The following PEX5L variants were observed in gnomAD, a reference collection of about 807,000 sequenced individuals.
PEX5L encodes the protein peroxisomal biogenesis factor 5 like, also known as PEX5-related protein.
PEX5L carries 30 observed loss-of-function variants against 84.0 expected under a neutral mutation model. The ratio of observed to expected loss-of-function variants is 0.36; its 90% CI spans 0.27 to 0.48. The LOEUF is 0.48. Among genes scored for constraint, PEX5L ranks in the 20% least tolerant of loss-of-function variants. The pLI, the probability that PEX5L is intolerant of heterozygous loss-of-function variation, is 0.99. For synonymous variants in PEX5L, 270 were observed against 283.1 expected, an observed-to-expected ratio of 0.95 and a Z score of 0.46; for missense variants, 533 against 754.6, an observed-to-expected ratio of 0.71 and a Z score of 3.44.
intron 8 of PEX5L, among the ~76,000 whole-genome samples, chr3:179,847,033 C>T (rs1739643577): frequency 1.3e-5 from 2 of 150,048 alleles, no homozygotes; most frequent in Admixed American, 1.3e-4. Context: ...CTCTCCCTGC[C>T]TCCCTCTCTC....
rs1237615720 is a variant in PEX5L at position 179,798,941 on chromosome 3, A to C, written c.*2887T>G. On this transcript the variant is annotated 3_prime_UTR_variant, in exon 15 of 15. Coordinates refer to ENST00000467460, the MANE Select transcript of PEX5L (RefSeq NM_016559.3). ...CTGTCACTTTTTTGTTTTTTTTGAG[A>C]CGGAGTCTCGCTCTGTCACCCAGAC... The C allele has an allele frequency of 1.3e-5, 2 of 152,074 alleles. No individual in the cohort carries two copies. The highest frequency in any genetic ancestry group is 6.6e-5 in the Admixed American group (1 of 15,262). 9.4% of individuals were successfully genotyped at this position (152,074 alleles called of 1,614,324 possible).
chr3:179,853,243 T>C (rs1370626742), intron 8 of PEX5L, among the ~76,000 whole-genome samples: 1 of 152,208 alleles, frequency 6.6e-6, no homozygotes, highest in Non-Finnish European at 1.5e-5. Context: ...GCACAGTGCC[T>C]GGCCCATGGA....
chr3:179,947,966 A>G (rs1778057291), intron 2 of PEX5L, among the ~76,000 whole-genome samples: 1 of 152,144 alleles, frequency 6.6e-6, no homozygotes, highest in Admixed American at 6.5e-5. Flanking sequence ...TCGGCCTCCC[A>G]AAGTGCTGGG....
At position 179,864,707 on chromosome 3, in the gene PEX5L, T is replaced by A. The variant is rs1051856916; in HGVS notation, c.727-5550A>T. ...AGTATTCCCACTATAAAAATAAGTA[T>A]GTGAGTGAATGCATATGTTAATTAG... On this transcript the variant is annotated intron_variant, in intron 7 of 14. Coordinates refer to ENST00000467460, the MANE Select transcript of PEX5L (RefSeq NM_016559.3). Among the ~76,000 whole-genome samples the A allele has an allele frequency of 5.3e-5, 8 of 152,176 alleles. 1 individual carries two copies. Among genetic ancestry groups the A allele is most frequent in the African/African-American group, 2.4e-5 (1 of 41,458 alleles).
chr3:179,917,693 G>A (rs1056553578), intron 2 of PEX5L, among the ~76,000 whole-genome samples: 9 of 152,050 alleles, frequency 5.9e-5, no homozygotes, highest in South Asian at 4.2e-4. Context: ...TTTTTGAGAC[G>A]GAGTTGCCCA....
intron 1 of PEX5L, among the ~76,000 whole-genome samples, chr3:180,017,276 T>C (rs1031454768): frequency 6.6e-6 from 1 of 152,210 alleles, no homozygotes; most frequent in Non-Finnish European, 1.5e-5. Context: ...CTCTCTGCTG[T>C]TTTGGGAAAG....
intron 7 of PEX5L, among the ~76,000 whole-genome samples, chr3:179,863,785 T>G (rs1577755407): frequency 2.0e-5 from 3 of 152,182 alleles, no homozygotes; most frequent in Non-Finnish European, 4.4e-5. Context: ...CTCAATAAAC[T>G]AAAAGTAGAG....
intron 2 of PEX5L, among the ~76,000 whole-genome samples, chr3:179,947,293 A>T (rs1777824076): frequency 7.0e-6 from 1 of 143,532 alleles, no homozygotes; most frequent in Non-Finnish European, 1.6e-5. Context: ...AGTTACCATT[A>T]ATTGAATAAA....
At chr3:179,875,734 G>A (rs1752173828) in intron 5 of PEX5L, among the ~76,000 whole-genome samples, 1 of 152,152 alleles carries the variant, frequency 6.6e-6, no homozygotes, top group South Asian at 2.1e-4. Context: ...AAATTGCATT[G>A]CTTTTACAGT....
rs921647252 is a variant in PEX5L, at chr3:179,880,083, T to G, written c.351A>C (p.Pro117=). The G allele has an allele frequency of 4.3e-6, 7 of 1,613,262 alleles. No homozygotes were observed. The African/African-American group carries it at 9.3e-5, about 22-fold the overall frequency. Residue 117 remains proline, a synonymous_variant, in exon 5 of 15, where the codon CCA becomes CCC. Coordinates refer to ENST00000467460, the MANE Select transcript of PEX5L (RefSeq NM_016559.3). ...TGGCTTTGGTTTGGGTTTGAGAGACTGGTTCACTCAGGTCGAGGAGATCTA... is the reference window on the plus strand; with the variant it reads ...TGGCTTTGGTTTGGGTTTGAGAGACGGGTTCACTCAGGTCGAGGAGATCTA... ...TGLDLLDLSE[P]VSQTQTKAKK...
At chr3:179,961,262 A>G (rs1260299124) in intron 2 of PEX5L, among the ~76,000 whole-genome samples, 1 of 151,926 alleles carries the variant, frequency 6.6e-6, no homozygotes, top group African/African-American at 2.4e-5. Flanking sequence ...AGGAAGTGGT[A>G]CCCATTTCAA....
At chr3:179,900,789 T>C in intron 2 of PEX5L, 1 of 1,296,250 alleles carries the variant, frequency 7.7e-7, no homozygotes, top group Non-Finnish European at 1.1e-6. Context: ...CTTTTTTCTT[T>C]ACAGCCTTTT....
In PEX5L at chr3:179,859,174, A is replaced by G. The variant is rs1745113328; in HGVS notation, c.727-17T>C. 2 of 1,549,754 alleles carry G rather than the reference A, an allele frequency of 1.3e-6. No homozygotes were observed. The highest frequency in any genetic ancestry group is 1.4e-5 in the African/African-American group (1 of 73,672). Reference sequence around the variant, plus strand: ...CAGTCGAGCCTGAAATCAATCATACACATAGTGTTATAATATTAGAATCAC... The same window carrying G: ...CAGTCGAGCCTGAAATCAATCATACGCATAGTGTTATAATATTAGAATCAC... On this transcript the variant is annotated splice_polypyrimidine_tract_variant and intron_variant, in intron 7 of 14. Coordinates refer to ENST00000467460, the MANE Select transcript of PEX5L (RefSeq NM_016559.3).
At position 179,875,420 on chromosome 3, in the gene PEX5L, G is replaced by T. The variant is rs149599855; in HGVS notation, c.563C>A (p.Thr188Asn). 1.2e-3 allele frequency: 1,942 copies of T among 1,610,988 alleles called. 5 individuals carry two copies. The highest frequency in any genetic ancestry group is 1.5e-3 in the Non-Finnish European group (1,724 of 1,177,910). Reference protein sequence around the residue: ...DDVKFHGDRNTKGHPMAERKS... With the variant: ...DDVKFHGDRNNKGHPMAERKS... ...TCTCTCTGCCATTGGATGTCCCTTG[G>T]TATTTCGATCTCCATGAAACTTAAC... The change falls in exon 6 of 15, where the codon ACC becomes AAC. Residue 188 changes from threonine to asparagine, a missense_variant. By Grantham distance (65) the Thr-to-Asn change is moderately conservative (BLOSUM62 0). This residue lies in a region of PEX5L where 259 missense variants were observed against 301.7 expected (regional missense o/e 0.86). Transcript: ENST00000467460.
In PEX5L at chr3:179,946,230, G is replaced by T. The variant is rs111754193; in HGVS notation, c.93+25364C>A. On this transcript the variant is annotated intron_variant, in intron 2 of 14. Transcript: ENST00000467460. ...AGAATAATCTTGAGCTTCAATCCAG[G>T]CTCTTGCTGGCTGTATAATATAGAG... Among the ~76,000 whole-genome samples the T allele has an allele frequency of 4.9e-3, 746 of 152,222 alleles. 15 individuals are homozygous for T. The highest frequency in any genetic ancestry group is 0.017 in the African/African-American group (708 of 41,556).
chr3:179,970,846 G>T (rs73883445), intron 2 of PEX5L, among the ~76,000 whole-genome samples: 1 of 151,986 alleles, frequency 6.6e-6, no homozygotes, highest in South Asian at 2.1e-4. Context: ...CAGCTTTTGC[G>T]TCGCTCTCAG....
intron 1 of PEX5L, among the ~76,000 whole-genome samples, chr3:179,997,775 C>T (rs2110405562): frequency 6.6e-6 from 1 of 152,360 alleles, no homozygotes; most frequent in East Asian, 1.9e-4. Context: ...AACACATCTC[C>T]TGGTACCTGG....
rs562779869 is a variant in PEX5L at position 179,856,342 on chromosome 3, A to C, written c.822+2720T>G. 2.6e-5 allele frequency among the ~76,000 whole-genome samples: 4 copies of C among 152,060 alleles called. No individual in the cohort carries two copies. In the East Asian group the frequency reaches 7.7e-4, roughly 29 times the overall value. On this transcript the variant is annotated intron_variant, in intron 8 of 14. Transcript: ENST00000467460. Reference sequence around the variant, plus strand: ...ACTACTATTTCAATTATTGCTAGACATTTTTAATAGTTACATAGTATTTTG... The same window carrying C: ...ACTACTATTTCAATTATTGCTAGACCTTTTTAATAGTTACATAGTATTTTG...
At chr3:179,884,344 G>A (rs552186524) in intron 4 of PEX5L, among the ~76,000 whole-genome samples, 1 of 152,182 alleles carries the variant, frequency 6.6e-6, no homozygotes, top group East Asian at 1.9e-4. Flanking sequence ...GTGCAGTTAG[G>A]GGGGTCAGAG....
Sources: allele counts gnomAD v4.1 joint callset (sites outside exome capture counted in the v4.1 genomes callset), GRCh38; gene constraint gnomAD v4.1.1; regional missense constraint gnomAD v4.1.1; transcripts MANE v1.5; gene names NCBI Gene and HGNC (gene_info 2026-07-23, HGNC 2026-07-21).